Variants in GPC5 observed in about 807,000 individuals in gnomAD.
GPC5 encodes the protein glypican 5, also known as glypican-5.
Under a neutral mutation model 53.9 loss-of-function variants are expected in GPC5, and 47 were observed. That is an observed-to-expected ratio of 0.87 (90% CI 0.69 to 1.11). The LOEUF is 1.11. GPC5 is among the 50% of genes most tolerant of loss of function. The probability of loss-of-function intolerance (pLI) is 0.00; values close to 1 mark genes in which losing one functional copy is unlikely to be tolerated. For synonymous variants in GPC5, 286 were observed against 263.3 expected, an observed-to-expected ratio of 1.09 and a Z score of -0.84; for missense variants, 748 against 713.1, an observed-to-expected ratio of 1.05 and a Z score of -0.56.
At position 91,953,111 on chromosome 13, in the gene GPC5, T is replaced by A; in HGVS notation, c.1401+45054T>A. 1.3e-5 allele frequency among the ~76,000 whole-genome samples: 2 copies of A among 152,166 alleles called. 1 individual carries two copies. The highest frequency in any genetic ancestry group is 4.1e-4 in the South Asian group (2 of 4,826). ...TGCAAATGGGATGAGGAAAATTAAATGCTCGAAGTTGATGTCAAGATTTAT... is the reference window on the plus strand; with the variant it reads ...TGCAAATGGGATGAGGAAAATTAAAAGCTCGAAGTTGATGTCAAGATTTAT... On this transcript the variant is annotated intron_variant, in intron 6 of 7. Coordinates refer to ENST00000377067, the MANE Select transcript of GPC5 (RefSeq NM_004466.6).
chr13:92,317,881 C>A (rs1202132694), intron 7 of GPC5, among the ~76,000 whole-genome samples: 1 of 152,038 alleles, frequency 6.6e-6, no homozygotes. Flanking sequence ...TTCTGGAATA[C>A]CTCGACAGTA....
intron 7 of GPC5, among the ~76,000 whole-genome samples, chr13:92,622,073 G>T (rs915697835): frequency 2.6e-5 from 4 of 152,028 alleles, no homozygotes; most frequent in African/African-American, 9.7e-5. Flanking sequence ...AACCCTTCCT[G>T]TTTGCCCGTG....
chr13:91,916,877 G>T (rs2039664525), intron 6 of GPC5, among the ~76,000 whole-genome samples: 1 of 152,054 alleles, frequency 6.6e-6, no homozygotes, highest in South Asian at 2.1e-4. Context: ...CTTCCACCTG[G>T]TCCCACCCTT....
rs11316107 is a variant in GPC5 at position 92,864,562 on chromosome 13, G to GA, written c.1562-1710dup. 6.5e-4 allele frequency among the ~76,000 whole-genome samples: 96 copies of GA among 148,532 alleles called. 1 individual carries two copies. Among genetic ancestry groups the GA allele is most frequent in the East Asian group, 3.4e-3 (17 of 5,070 alleles). On this transcript the variant is annotated intron_variant, in intron 7 of 7. Coordinates refer to ENST00000377067, the MANE Select transcript of GPC5 (RefSeq NM_004466.6). ...TGCTCAAATTTATGTAGTTATCTTA[G>GA]AAAAAAAAAATATTTTTAATTGCCT... is the stretch of plus-strand genomic sequence containing the variant.
Position 92,197,036 on chromosome 13 carries a change from G to T in GPC5, c.1561+52047G>T, listed in dbSNP as rs1207595999. On this transcript the variant is annotated intron_variant, in intron 7 of 7. Transcript: ENST00000377067. ...ACAAAAGCGAGTGAACTCTGAAGAT[G>T]AGGGAAGTGAGTCGCACCACAGACA... 2.0e-5 allele frequency among the ~76,000 whole-genome samples: 3 copies of T among 152,180 alleles called. No homozygotes were observed. The East Asian group carries it at 5.8e-4, about 29-fold the overall frequency.
At chr13:91,858,693 C>T (rs186038140) in intron 5 of GPC5, among the ~76,000 whole-genome samples, 3 of 152,046 alleles carry the variant, frequency 2.0e-5, no homozygotes, top group South Asian at 4.1e-4. Context: ...GAAATACTCC[C>T]TCCTCCTCTA....
chr13:92,604,743 T>G (rs923773887), intron 7 of GPC5, among the ~76,000 whole-genome samples: 1 of 152,236 alleles, frequency 6.6e-6, no homozygotes, highest in East Asian at 1.9e-4. Flanking sequence ...TCAGTATTGT[T>G]GTTTATGAGG....
chr13:91,501,292 C>T (rs574586413), intron 2 of GPC5, among the ~76,000 whole-genome samples: 127 of 138,966 alleles, frequency 9.1e-4, no homozygotes, highest in Middle Eastern at 4.5e-3. Flanking sequence ...ATGTGCACAA[C>T]GTGCAGGTTT....
intron 6 of GPC5, among the ~76,000 whole-genome samples, chr13:92,061,883 G>A (rs866007486): frequency 3.3e-5 from 5 of 151,754 alleles, no homozygotes; most frequent in Middle Eastern, 3.2e-3. Context: ...TATTTAATAA[G>A]GAAAAAAGTT....
chr13:91,650,749 A>ATTTTTTTTTTTTTTTTTTTT (rs1594380934), intron 2 of GPC5, among the ~76,000 whole-genome samples: 4 of 67,054 alleles, frequency 6.0e-5, no homozygotes, highest in Admixed American at 2.2e-4. Context: ...AATTCCCATA[A>ATTTTTTTTTTTTTTTTTTTT]GTTTTTTTTT....
At chr13:91,720,905 T>C (rs900806287) in intron 3 of GPC5, among the ~76,000 whole-genome samples, 24 of 152,154 alleles carry the variant, frequency 1.6e-4, no homozygotes, top group African/African-American at 5.6e-4. Flanking sequence ...TCCAGATAGA[T>C]AGACAGATAG....
rs1333265137 is a variant in GPC5 at position 92,624,495 on chromosome 13, CTG to C, written c.1562-241784_1562-241783del. Among the ~76,000 whole-genome samples, 5 of 152,192 alleles carry C rather than the reference CTG, an allele frequency of 3.3e-5. No homozygotes were observed. The South Asian group carries it at 6.2e-4, about 19-fold the overall frequency. The stretch of plus-strand genomic sequence containing the variant: ...TTTTCAGTATGATGCATATATAAAA[CTG>C]TGAATATTCTGAGATTTTACCCTTC... On this transcript the variant is annotated intron_variant, in intron 7 of 7. Transcript: ENST00000377067.
intron 7 of GPC5, among the ~76,000 whole-genome samples, chr13:92,372,454 T>C (rs2043658539): frequency 6.6e-6 from 1 of 152,232 alleles, no homozygotes; most frequent in African/African-American, 2.4e-5. Flanking sequence ...AAGCTTTTTA[T>C]ACTCTTTTTA....
intron 7 of GPC5, among the ~76,000 whole-genome samples, chr13:92,388,058 T>C (rs150105907): frequency 2.3e-3 from 356 of 152,228 alleles, no homozygotes; most frequent in African/African-American, 8.3e-3. Flanking sequence ...AAATTAACCT[T>C]ATTTATACTT....
rs76292514 is a variant in GPC5 at position 92,407,580 on chromosome 13, C to A, written c.1561+262591C>A. Among the ~76,000 whole-genome samples, 784 of 152,194 alleles carry A rather than the reference C, an allele frequency of 5.2e-3. 5 individuals carry two copies. The highest frequency in any genetic ancestry group is 0.015 in the South Asian group (74 of 4,816). ...CCTTTTGAGACATGTGTCACAATAACGCTTTTTCTCTATTATTCTTCAACA... is the reference window on the plus strand; with the variant it reads ...CCTTTTGAGACATGTGTCACAATAAAGCTTTTTCTCTATTATTCTTCAACA... On this transcript the variant is annotated intron_variant, in intron 7 of 7. Coordinates refer to ENST00000377067, the MANE Select transcript of GPC5 (RefSeq NM_004466.6).
At chr13:92,450,168 G>A (rs528397481) in intron 7 of GPC5, among the ~76,000 whole-genome samples, 5 of 152,162 alleles carry the variant, frequency 3.3e-5, no homozygotes, top group African/African-American at 1.2e-4. Flanking sequence ...AAGAAATTGG[G>A]AGAAGATATA....
intron 7 of GPC5, among the ~76,000 whole-genome samples, chr13:92,825,401 T>A (rs1005486703): frequency 1.6e-4 from 24 of 151,926 alleles, no homozygotes; most frequent in Non-Finnish European, 3.5e-4. Context: ...AAGACAAGGG[T>A]GGTATATAAT....
At chr13:92,054,894 A>C (rs1176891048) in intron 6 of GPC5, among the ~76,000 whole-genome samples, 1 of 152,214 alleles carries the variant, frequency 6.6e-6, no homozygotes, top group Non-Finnish European at 1.5e-5. Context: ...TTTTTGGAGA[A>C]TAAAAATGTG....
chr13:91,592,820 G>A (rs1021409864), intron 2 of GPC5, among the ~76,000 whole-genome samples: 1 of 152,198 alleles, frequency 6.6e-6, no homozygotes, highest in Non-Finnish European at 1.5e-5. Flanking sequence ...ACCCTGTGGG[G>A]CAGCCAGGCA....
Sources: gnomAD v4.1 joint callset for allele counts (sites outside exome capture counted in the v4.1 genomes callset) on GRCh38, gnomAD v4.1.1 for gene constraint, MANE v1.5 for transcripts, NCBI Gene and HGNC (gene_info 2026-07-23, HGNC 2026-07-21) for gene names.